The following AP3D1 variants were observed in gnomAD, a reference collection of about 807,000 sequenced individuals.
AP3D1 encodes AP-3 complex subunit delta-1.
A neutral mutation model predicts 147.6 loss-of-function variants in AP3D1; 51 were observed. That is an observed-to-expected ratio of 0.35 (90% CI 0.28 to 0.44). The LOEUF is 0.44. Ranked by LOEUF, AP3D1 falls within the 20% of genes least tolerant of loss-of-function variation. The pLI is 1.00. For missense variants in AP3D1, 1,421 were observed against 1,624.2 expected (o/e 0.87, Z 2.15); for synonymous variants, 760 against 663.0 (o/e 1.15, Z -2.25).
In AP3D1 at chr19:2,147,862, C is replaced by A. The variant is rs561031554; in HGVS notation, c.96+3377G>T. The stretch of plus-strand genomic sequence containing the variant: ...ATCGTGCCACTGCACTCCAGCCTGG[C>A]GACAGAGCGAGACTTAGTCTCAAAA... On this transcript the variant is annotated intron_variant, in intron 1 of 31. Coordinates refer to ENST00000643116, the MANE Select transcript of AP3D1 (RefSeq NM_001261826.3). 2.1e-3 allele frequency among the ~76,000 whole-genome samples: 289 copies of A among 137,398 alleles called. 2 individuals carry two copies. Among genetic ancestry groups the A allele is most frequent in the African/African-American group, 7.7e-3 (280 of 36,248 alleles). The allele number at this position is 137,398 out of a possible 152,430, so 90.1% of individuals were successfully genotyped here. A position where few individuals can be genotyped will look rare whatever the true frequency, so the allele number is the denominator to read the frequency against.
chr19:2,118,669 C>T lies in AP3D1; in HGVS notation c.1645G>A (p.Val549Ile), dbSNP rs768613881. 21 of 1,612,876 alleles carry T rather than the reference C, an allele frequency of 1.3e-5. No individual in the cohort carries two copies. Among genetic ancestry groups the T allele is most frequent in the Non-Finnish European group, 1.8e-5 (21 of 1,180,026 alleles). The change falls in exon 15 of 32, where the codon GTC becomes ATC. Residue 549 changes from valine to isoleucine, a missense_variant. Val to Ile is a conservative substitution (Grantham distance 29). Coordinates refer to ENST00000643116, the MANE Select transcript of AP3D1 (RefSeq NM_001261826.3). ...QAGEAEGAQAVTQLMVDRLPQ... is the reference protein window; with the variant it reads ...QAGEAEGAQAITQLMVDRLPQ... ...AGCCGGTCCACCATGAGCTGGGTGACGGCCTGAGCGCCCTCTGCCTCCCCG... is the reference window on the plus strand; with the variant it reads ...AGCCGGTCCACCATGAGCTGGGTGATGGCCTGAGCGCCCTCTGCCTCCCCG...
At chr19:2,159,276 T>TGA (rs1366329451) in intron 1 of AP3D1, among the ~76,000 whole-genome samples, 7 of 150,328 alleles carry the variant, frequency 4.7e-5, no homozygotes, top group Non-Finnish European at 1.0e-4. Context: ...TGGAGTGCAA[T>TGA]GGCGCGATCT....
At chr19:2,140,069 A>C (rs1365718932) in intron 1 of AP3D1, among the ~76,000 whole-genome samples, 1 of 151,946 alleles carries the variant, frequency 6.6e-6, no homozygotes, top group African/African-American at 2.4e-5. Context: ...GACGGGCTTC[A>C]AATTACTACA....
intron 11 of AP3D1, among the ~76,000 whole-genome samples, chr19:2,122,134 C>G (rs1381452795): frequency 1.3e-5 from 2 of 152,294 alleles, no homozygotes; most frequent in East Asian, 3.9e-4. Flanking sequence ...TACCTACTAC[C>G]ACGTTGTAGT....
chr19:2,116,834 T>C lies in AP3D1; in HGVS notation c.1860-88A>G, dbSNP rs2240657. 0.034 allele frequency: 49,238 copies of C among 1,449,750 alleles called. 2,430 individuals carry two copies. The highest frequency in any genetic ancestry group is 0.18 in the East Asian group (7,308 of 40,446). The allele number at this position is 1,449,750 out of a possible 1,614,324, so 89.8% of individuals were successfully genotyped here. On this transcript the variant is annotated intron_variant, in intron 16 of 31. Coordinates refer to ENST00000643116, the MANE Select transcript of AP3D1 (RefSeq NM_001261826.3). Reference sequence around the variant, plus strand: ...GCCCTGAGCAGGCTCACCACGTGCCTGGCCATGTGATATCCCAAACAGTGG... The same window carrying C: ...GCCCTGAGCAGGCTCACCACGTGCCCGGCCATGTGATATCCCAAACAGTGG...
intron 4 of AP3D1, among the ~76,000 whole-genome samples, chr19:2,136,686 G>A (rs1055510977): frequency 1.3e-5 from 2 of 152,214 alleles, no homozygotes; most frequent in African/African-American, 4.8e-5. Flanking sequence ...GAGGGGAGAA[G>A]GGAAGAAAGT....
Position 2,108,699 on chromosome 19 carries a change from G to A in AP3D1, c.3540C>T (p.Leu1180=), listed in dbSNP as rs1350496508. 8 of 1,581,172 alleles carry A rather than the reference G, an allele frequency of 5.1e-6. 1 individual carries two copies. The highest frequency in any genetic ancestry group is 2.7e-5 in the African/African-American group (2 of 74,052). The change falls in exon 31 of 32, where the codon CTC becomes CTT. Residue 1180 remains leucine (L), a synonymous_variant. Coordinates refer to ENST00000643116, the MANE Select transcript of AP3D1 (RefSeq NM_001261826.3). ...GCCCGAGGCTCACCTTTTTCACCAG[G>A]AGGCAGACATGGTGGCCCTGGATGG... The part of the protein sequence containing the change: ...SRSIQGHHVC[L]LVKKGENSVS...
chr19:2,115,178 A>C, intron 20 of AP3D1, 41 bp downstream of exon 20: 1 of 1,584,220 alleles, frequency 6.3e-7, no homozygotes, highest in Non-Finnish European at 8.6e-7. Context: ...CACATGCGGA[A>C]AGATAGACAT....
At chr19:2,129,539 G>A (rs1220077013) in intron 6 of AP3D1, 82 bp from the exon 7 acceptor site, 1 of 1,498,376 alleles carries the variant, frequency 6.7e-7, no homozygotes, top group Non-Finnish European at 8.9e-7. Context: ...CCGCGAGGAA[G>A]TTCTGGGGCC....
chr19:2,114,422 A>G, intron 21 of AP3D1, 120 bp from the exon 22 acceptor site: 5 of 846,176 alleles, frequency 5.9e-6, no homozygotes, highest in Non-Finnish European at 9.3e-6. Flanking sequence ...CCCTGGCCCC[A>G]GCCATGGCCC....
chr19:2,119,231 A>G (rs758664741), intron 14 of AP3D1, among the ~76,000 whole-genome samples: 3 of 152,312 alleles, frequency 2.0e-5, no homozygotes, highest in Non-Finnish European at 4.4e-5. Flanking sequence ...TGGGACTTGA[A>G]TATGTTTCTA....
rs1255820528 is a variant in AP3D1, at chr19:2,114,169, CTTTG to C, written c.2553_2556del (p.His851GlnfsTer47). ...TTCTTCTCCTTGTCTCTCTCTTTCT[CTTTG>C]TGTTTTTTCTCTTTCTTCTTGGGTT... On this transcript the variant is annotated frameshift_variant, in exon 22 of 32. Transcript: ENST00000643116. LOFTEE classifies it high-confidence loss of function. The C allele has an allele frequency of 6.3e-7, 1 of 1,586,824 alleles. No individual in the cohort carries two copies. Among genetic ancestry groups the C allele is most frequent in the Non-Finnish European group, 8.6e-7 (1 of 1,166,008 alleles).
At chr19:2,111,082 CCCT>C in intron 26 of AP3D1, 186 bp from the exon 27 acceptor site, 1 of 910,710 alleles carries the variant, frequency 1.1e-6, no homozygotes, top group Non-Finnish European at 1.6e-6. Flanking sequence ...ATGGCGGGGA[CCCT>C]CCTGCCAGTC....
At chr19:2,112,231 T>G (rs2018303369) in intron 24 of AP3D1, 4 of 236,070 alleles carry the variant, frequency 1.7e-5, no homozygotes, top group Non-Finnish European at 3.3e-5. Context: ...GCGGCCCAAG[T>G]GGCTATCAAC....
Position 2,123,839 on chromosome 19 carries a change from G to C in AP3D1, c.897C>G (p.Ala299=). The C allele has an allele frequency of 6.3e-7, 1 of 1,575,708 alleles. No individual in the cohort carries two copies. The highest frequency in any genetic ancestry group is 1.8e-5 in the Admixed American group (1 of 54,890). Residue 299 remains alanine, a synonymous_variant, in exon 10 of 32, where the codon GCC becomes GCG. Coordinates refer to ENST00000643116, the MANE Select transcript of AP3D1 (RefSeq NM_001261826.3). ...SLSSGMPNHS[A]SIQLCVQKLR... is the part of the protein sequence containing the mutation. ...CCAGTGCGGGACGTACCTGGATGCT[G>C]GCGCTGTGGTTGGGCATGCCGGAGG... is the stretch of plus-strand genomic sequence containing the variant.
In AP3D1 at chr19:2,113,340, G is replaced by C; in HGVS notation, c.2675C>G (p.Ser892Cys). The change falls in exon 23 of 32, where the codon TCC becomes TGC. Residue 892 changes from serine to cysteine, a missense_variant. Transcript: ENST00000643116. ...GGCCAGCTGCCAGTCTCTTACCGTG[G>C]ATGGAACGGGGGCGGGGGCGGGGGC... is the stretch of plus-strand genomic sequence containing the variant. ...APAPAPAPVP[S>C]TGELSVNTVT... 1 of 1,232,824 alleles carries C rather than the reference G, an allele frequency of 8.1e-7. No homozygotes were observed. The highest frequency in any genetic ancestry group is 1.1e-6 in the Non-Finnish European group (1 of 916,490). 76.4% of individuals were successfully genotyped at this position (1,232,824 alleles called of 1,614,324 possible).
intron 23 of AP3D1, 82 bp downstream of exon 23, chr19:2,113,254 G>A (rs1382715127): frequency 7.8e-6 from 6 of 773,084 alleles, no homozygotes; most frequent in South Asian, 5.4e-5. Flanking sequence ...AGGGCCTCAG[G>A]AGACCCAGGG....
Position 2,115,402 on chromosome 19 carries a change from A to T in AP3D1, c.2166T>A (p.Asp722Glu), listed in dbSNP as rs2018416762. The change falls in exon 20 of 32, where the codon GAT becomes GAA. Residue 722 changes from aspartate (D) to glutamate (E), a missense_variant. This residue lies in a region of AP3D1 where 791 missense variants were observed against 761.4 expected (regional missense o/e 1.04). Transcript: ENST00000643116. The stretch of plus-strand genomic sequence containing the variant: ...GCTCCTCCTCCAGCTTCACATACTG[A>T]TCTGACATAGGCAGCCCTGCGGGCC... ...PLKVPGLPMS[D>E]QYVKLEEERR... is the part of the protein sequence containing the mutation. 4 of 1,607,122 alleles carry T rather than the reference A, an allele frequency of 2.5e-6. 1 individual carries two copies. The South Asian group carries it at 3.3e-5, about 13-fold the overall frequency.
At chr19:2,164,390 A>G (rs1234365442) in exon 1 of AP3D1, 7 of 566,552 alleles carry the variant, frequency 1.2e-5, no homozygotes, top group African/African-American at 2.0e-5. Context: ...CCTGGACTCC[A>G]CTGTCGCTGC....
Sources: gnomAD v4.1 joint callset for allele counts (sites outside exome capture counted in the v4.1 genomes callset) on GRCh38, gnomAD v4.1.1 for gene constraint, gnomAD v4.1.1 regional missense constraint, MANE v1.5 for transcripts, NCBI Gene and HGNC (gene_info 2026-07-23, HGNC 2026-07-21) for gene names.